Variants in PCDH11X observed in about 807,000 individuals in gnomAD.
The protein encoded by PCDH11X is protocadherin 11 X-linked.
In PCDH11X, 18 loss-of-function variants were observed where a neutral mutation model predicts 53.3. That is an observed-to-expected ratio of 0.34 (90% CI 0.23 to 0.50). The LOEUF (loss-of-function observed/expected upper bound fraction) is 0.50. Ranked by LOEUF, PCDH11X falls within the 20% of genes least tolerant of loss-of-function variation. The pLI, the probability that PCDH11X is intolerant of heterozygous loss-of-function variation, is 0.98. For missense variants in PCDH11X, 570 were observed against 1,032.4 expected (o/e 0.55, Z 6.14); for synonymous variants, 279 against 393.3 (o/e 0.71, Z 3.44).
intron 6 of PCDH11X, among the ~76,000 whole-genome samples, chrX:91,999,325 T>A (rs1251782199): frequency 8.9e-6 from 1 of 111,954 alleles, no homozygotes; most frequent in East Asian, 2.8e-4. Context: ...TTTTTATTGT[T>A]TTATTCAGTG....
intron 6 of PCDH11X, among the ~76,000 whole-genome samples, chrX:91,885,943 A>T (rs745307784): frequency 1.8e-5 from 2 of 111,501 alleles, no homozygotes; most frequent in South Asian, 7.5e-4. Context: ...ACAGTATTTA[A>T]ATTTGGGCCA....
At chrX:92,293,571 C>G (rs1164707528) in intron 8 of PCDH11X, among the ~76,000 whole-genome samples, 2 of 103,681 alleles carry the variant, frequency 1.9e-5, no homozygotes, top group Admixed American at 2.1e-4. Flanking sequence ...GGCAGTAAGC[C>G]GAGATCGCGC....
intron 6 of PCDH11X, among the ~76,000 whole-genome samples, chrX:92,126,710 A>AGTGT (rs71913292): frequency 0.026 from 2,615 of 100,567 alleles, 46 homozygotes; most frequent in African/African-American, 0.063. Context: ...ATATGTGGGG[A>AGTGT]GTGTGTGTGT....
intron 1 of PCDH11X, among the ~76,000 whole-genome samples, chrX:91,806,481 A>G (rs1262948780): frequency 8.8e-6 from 1 of 113,507 alleles, no homozygotes; most frequent in Non-Finnish European, 1.9e-5. Flanking sequence ...TCTCAAGATG[A>G]TAACTCACAA....
chrX:91,981,369 C>T (rs1368033150), intron 6 of PCDH11X, among the ~76,000 whole-genome samples: 2 of 109,503 alleles, frequency 1.8e-5, no homozygotes, highest in African/African-American at 3.3e-5. Context: ...TTGTCCTTGC[C>T]GAAATTGTAT....
intron 10 of PCDH11X, among the ~76,000 whole-genome samples, chrX:92,513,029 G>A (rs1167330196): frequency 9.1e-6 from 1 of 110,040 alleles, no homozygotes; most frequent in Non-Finnish European, 1.9e-5. Context: ...TTTAATATGA[G>A]GATTAATTGA....
intron 6 of PCDH11X, among the ~76,000 whole-genome samples, chrX:92,191,702 T>A (rs1379250579): frequency 8.9e-6 from 1 of 112,190 alleles, no homozygotes; most frequent in Non-Finnish European, 1.9e-5. Flanking sequence ...GAAGTTCTTT[T>A]TGCGTTGAAA....
chrX:92,549,169 G>A (rs2074912649), intron 10 of PCDH11X, among the ~76,000 whole-genome samples: 1 of 101,399 alleles, frequency 9.9e-6, no homozygotes, highest in African/African-American at 3.5e-5. Flanking sequence ...TGACAATAAT[G>A]TCTAATTAAG....
intron 6 of PCDH11X, among the ~76,000 whole-genome samples, chrX:91,924,445 T>G (rs1462670332): frequency 1.8e-5 from 2 of 111,537 alleles, no homozygotes; most frequent in East Asian, 5.7e-4. Context: ...ATTTTGGAAC[T>G]CTGACCTCCA....
chrX:91,814,396 A>G (rs1027105795), intron 4 of PCDH11X, among the ~76,000 whole-genome samples: 2 of 110,772 alleles, frequency 1.8e-5, no homozygotes, highest in African/African-American at 6.5e-5. Context: ...ATTACCAAAC[A>G]TACCTTGAAA....
chrX:91,871,558 T>A (rs761571724), intron 5 of PCDH11X, among the ~76,000 whole-genome samples: 2 of 108,309 alleles, frequency 1.8e-5, no homozygotes, highest in African/African-American at 6.7e-5. Flanking sequence ...ATTTATTGCC[T>A]TCCAATAGGC....
chrX:92,596,100 C>T lies in PCDH11X; in HGVS notation c.3368-22164C>T, dbSNP rs191953121. Among the ~76,000 whole-genome samples, 438 of 112,348 alleles carry T rather than the reference C, an allele frequency of 3.9e-3. 2 individuals carry two copies. Among genetic ancestry groups the T allele is most frequent in the African/African-American group, 0.014 (424 of 30,952 alleles). On this transcript the variant is annotated intron_variant, in intron 10 of 10. Transcript: ENST00000682573. The stretch of plus-strand genomic sequence containing the variant: ...CCAAAGATGGTATATTTAATTTGCT[C>T]TTTCCTGTTTATCCCCATCTGTCTT...
intron 6 of PCDH11X, among the ~76,000 whole-genome samples, chrX:92,044,112 A>T (rs2063249048): frequency 9.0e-6 from 1 of 110,682 alleles, no homozygotes; most frequent in Admixed American, 9.7e-5. Context: ...CAGGATTTGA[A>T]TTTTTTTAAT....
chrX:92,023,546 C>T (rs902530988), intron 6 of PCDH11X, among the ~76,000 whole-genome samples: 1 of 109,973 alleles, frequency 9.1e-6, no homozygotes, highest in Non-Finnish European at 1.9e-5. Flanking sequence ...AAAAAAAAGC[C>T]CAGGACCAGA....
intron 10 of PCDH11X, among the ~76,000 whole-genome samples, chrX:92,573,325 A>G (rs1922421854): frequency 1.8e-5 from 2 of 111,909 alleles, no homozygotes; most frequent in African/African-American, 6.5e-5. Flanking sequence ...GAGGAAAAGC[A>G]ATTGACCTGA....
intron 8 of PCDH11X, among the ~76,000 whole-genome samples, chrX:92,355,194 G>A (rs2070163415): frequency 1.0e-5 from 1 of 97,492 alleles, no homozygotes. Context: ...TTGGGATGCC[G>A]AGGCGGGCGG....
chrX:91,887,099 A>C (rs1343259384), intron 6 of PCDH11X, among the ~76,000 whole-genome samples: 1 of 109,486 alleles, frequency 9.1e-6, no homozygotes, highest in Non-Finnish European at 1.9e-5. Context: ...TACTAACTGC[A>C]TCATTTTGCT....
chrX:92,192,074 A>G (rs187004828), intron 6 of PCDH11X, among the ~76,000 whole-genome samples: 174 of 111,796 alleles, frequency 1.6e-3, no homozygotes, highest in African/African-American at 5.6e-3. Flanking sequence ...ATGGATCTTG[A>G]TATGAGTCAT....
At chrX:92,198,832 C>T (rs1178134900) in intron 6 of PCDH11X, among the ~76,000 whole-genome samples, 1 of 110,643 alleles carries the variant, frequency 9.0e-6, no homozygotes, top group Non-Finnish European at 1.9e-5. Flanking sequence ...TTGGAATTTG[C>T]CTTAAAATTT....
Sources: gnomAD v4.1 joint callset for allele counts (sites outside exome capture counted in the v4.1 genomes callset) on GRCh38, gnomAD v4.1.1 for gene constraint, MANE v1.5 for transcripts, NCBI Gene and HGNC (gene_info 2026-07-23, HGNC 2026-07-21) for gene names.